VSTM2A: variants seen among roughly 807,000 people sequenced by gnomAD.
VSTM2A encodes V-set and transmembrane domain containing 2A.
In VSTM2A, 13 loss-of-function variants were observed where a neutral mutation model predicts 27.3. That is an observed-to-expected ratio of 0.48 (90% CI 0.31 to 0.76). The LOEUF (loss-of-function observed/expected upper bound fraction) is 0.76. Among genes scored for constraint, VSTM2A ranks in the 30% least tolerant of loss-of-function variants. The pLI is 0.05. For missense variants in VSTM2A, 280 were observed against 310.0 expected, an observed-to-expected ratio of 0.90 and a Z score of 0.73; for synonymous variants, 142 against 125.7, an observed-to-expected ratio of 1.13 and a Z score of -0.87.
intron 4 of VSTM2A, chr7:54,559,192 A>G (rs902573096): frequency 2.0e-5 from 3 of 152,148 alleles, no homozygotes; most frequent in African/African-American, 7.2e-5. Flanking sequence ...TTTAGGAATA[A>G]TATTGAATCC....
At chr7:54,568,961 C>A (rs980394619) in intron 4 of VSTM2A, 170 bp from the exon 5 acceptor site, 2 of 1,551,364 alleles carry the variant, frequency 1.3e-6, no homozygotes, top group African/African-American at 1.4e-5. Context: ...TAATAAGGAG[C>A]GTTGGAAATC....
At chr7:54,557,937 A>G (rs189040986) in intron 4 of VSTM2A, 4 of 152,304 alleles carry the variant, frequency 2.6e-5, no homozygotes, top group African/African-American at 9.6e-5. Flanking sequence ...TTTATGATTT[A>G]TAATTTCAGA....
At chr7:54,546,842 G>A (rs181104695) in intron 2 of VSTM2A, 105 bp from the exon 3 acceptor site, 33,555 of 1,494,580 alleles carry the variant, frequency 0.022, 462 homozygotes, top group Non-Finnish European at 0.026. Context: ...CCTGTCCCCA[G>A]GTCACCCTGA....
intron 3 of VSTM2A, among the ~76,000 whole-genome samples, chr7:54,548,525 C>A (rs1788077410): frequency 6.6e-6 from 1 of 151,806 alleles, no homozygotes; most frequent in Non-Finnish European, 1.5e-5. Context: ...AATAGCACCC[C>A]AGGTGATTCT....
intron 4 of VSTM2A, among the ~76,000 whole-genome samples, chr7:54,557,569 A>G (rs563916000): frequency 2.0e-5 from 3 of 152,096 alleles, no homozygotes; most frequent in South Asian, 2.1e-4. Flanking sequence ...CCTGACCTCA[A>G]GTGATCCCCT....
At position 54,542,636 on chromosome 7, in the gene VSTM2A, G is replaced by A. The variant is rs1293546113; in HGVS notation, c.-95G>A. On this transcript the variant is annotated 5_prime_UTR_variant, in exon 1 of 5. Coordinates refer to ENST00000402613, the MANE Select transcript of VSTM2A (RefSeq NM_001301009.2). ...AGGATGTTTGCAGTGTCGCGCCCAGGGCTCTGAGACTGAGCCTGCCATCCA... is the reference window on the plus strand; with the variant it reads ...AGGATGTTTGCAGTGTCGCGCCCAGAGCTCTGAGACTGAGCCTGCCATCCA... 2 of 1,109,792 alleles carry A rather than the reference G, an allele frequency of 1.8e-6. No homozygotes were observed. Among genetic ancestry groups the A allele is most frequent in the Non-Finnish European group, 1.3e-6 (1 of 744,262 alleles). 68.7% of individuals were successfully genotyped at this position (1,109,792 alleles called of 1,614,324 possible).
At chr7:54,562,528 A>G (rs1788594027) in intron 4 of VSTM2A, among the ~76,000 whole-genome samples, 2 of 152,206 alleles carry the variant, frequency 1.3e-5, no homozygotes. Flanking sequence ...TCAGATATTC[A>G]GCCAAACTGA....
rs75895308 is a variant in VSTM2A, at chr7:54,553,794, G to A, written c.634+3624G>A. Reference sequence around the variant, plus strand: ...CTTCGCAGAGAACACAGGACTCAACGCCCCTCCACCATGCCCCCAAATACC... The same window carrying A: ...CTTCGCAGAGAACACAGGACTCAACACCCCTCCACCATGCCCCCAAATACC... On this transcript the variant is annotated intron_variant, in intron 4 of 4. Coordinates refer to ENST00000402613, the MANE Select transcript of VSTM2A (RefSeq NM_001301009.2). 7.8e-3 allele frequency: 12,036 copies of A among 1,536,794 alleles called. 79 individuals are homozygous for A. Among genetic ancestry groups the A allele is most frequent in the Non-Finnish European group, 8.1e-3 (9,269 of 1,139,488 alleles).
At chr7:54,562,600 A>G (rs1283789214) in intron 4 of VSTM2A, among the ~76,000 whole-genome samples, 1 of 152,198 alleles carries the variant, frequency 6.6e-6, no homozygotes, top group Non-Finnish European at 1.5e-5. Flanking sequence ...GTAGTCAATA[A>G]TACTAGCTGT....
chr7:54,548,399 C>T (rs1442723986), intron 3 of VSTM2A, among the ~76,000 whole-genome samples: 1 of 151,810 alleles, frequency 6.6e-6, no homozygotes, highest in Non-Finnish European at 1.5e-5. Context: ...TTCTCAACCA[C>T]TAGTTATTAA....
chr7:54,549,814 T>A lies in VSTM2A; in HGVS notation c.298-20T>A. On this transcript the variant is annotated intron_variant, in intron 3 of 4. Coordinates refer to ENST00000402613, the MANE Select transcript of VSTM2A (RefSeq NM_001301009.2). ...ATTTGATGTAGCACTTTATTGTTTT[T>A]TTTACCTGCAATTTTTCAGACAGTG... 6.4e-7 allele frequency: 1 copy of A among 1,555,702 alleles called. No individual in the cohort carries two copies. Among genetic ancestry groups the A allele is most frequent in the Non-Finnish European group, 8.7e-7 (1 of 1,154,542 alleles).
At chr7:54,565,040 A>T (rs954569588) in intron 4 of VSTM2A, among the ~76,000 whole-genome samples, 3 of 133,624 alleles carry the variant, frequency 2.2e-5, no homozygotes, top group African/African-American at 7.9e-5. Context: ...ACTATGGTAT[A>T]TGTGGTACAT....
rs768184958 is a variant in VSTM2A at position 54,542,717 on chromosome 7, C to T, written c.-14C>T. 4.3e-6 allele frequency: 7 copies of T among 1,613,296 alleles called. No individual in the cohort carries two copies. In the South Asian group the frequency reaches 5.5e-5, roughly 13 times the overall value. On this transcript the variant is annotated 5_prime_UTR_variant, in exon 1 of 5. Transcript: ENST00000402613. ...CTGTTGGCTACACTGATGTGACCCC[C>T]CTCCCTTTTTGGAATGATGGGGATC...
At chr7:54,558,860 G>A (rs1382755950) in intron 4 of VSTM2A, 1 of 152,002 alleles carries the variant, frequency 6.6e-6, no homozygotes, top group Non-Finnish European at 1.5e-5. Context: ...CATAAAATAA[G>A]ATACTTGTGG....
chr7:54,549,363 A>C (rs1261199757), intron 3 of VSTM2A, among the ~76,000 whole-genome samples: 2 of 152,250 alleles, frequency 1.3e-5, no homozygotes, highest in East Asian at 3.8e-4. Flanking sequence ...GTGTGGGGAT[A>C]CAAGTGCATT....
intron 4 of VSTM2A, chr7:54,551,055 T>C (rs1199944470): frequency 1.3e-5 from 2 of 152,084 alleles, no homozygotes; most frequent in African/African-American, 4.8e-5. Flanking sequence ...ATTGCTAATA[T>C]TTAAGGTCTC....
At chr7:54,567,540 A>G (rs1788761588) in intron 4 of VSTM2A, among the ~76,000 whole-genome samples, 1 of 152,198 alleles carries the variant, frequency 6.6e-6, no homozygotes, top group East Asian at 1.9e-4. Flanking sequence ...TAAGAAAGGG[A>G]TGACATAAAT....
At chr7:54,558,330 A>T (rs943034063) in intron 4 of VSTM2A, 2 of 152,226 alleles carry the variant, frequency 1.3e-5, no homozygotes, top group Non-Finnish European at 2.9e-5. Context: ...TTCATAGTTT[A>T]TGGTACCAGG....
intron 4 of VSTM2A, chr7:54,553,983 C>T (rs754684909): frequency 1.3e-6 from 2 of 1,553,068 alleles, no homozygotes; most frequent in Admixed American, 2.0e-5. Context: ...CCCAACGTCA[C>T]ACAGAACTGT....
Sources: gnomAD v4.1 joint callset for allele counts (sites outside exome capture counted in the v4.1 genomes callset) on GRCh38, gnomAD v4.1.1 for gene constraint, MANE v1.5 for transcripts, NCBI Gene and HGNC (gene_info 2026-07-23, HGNC 2026-07-21) for gene names.